The following ENTHD1 variants were observed in gnomAD, a reference collection of about 807,000 sequenced individuals.
The protein encoded by ENTHD1 is ENTH domain containing 1.
ENTHD1 carries 23 observed loss-of-function variants against 39.1 expected under a neutral mutation model. The observed-to-expected ratio is 0.59, with a 90% CI of 0.42 to 0.83. The LOEUF is 0.83. ENTHD1 is among the 40% of genes least tolerant of loss of function. ENTHD1 has a pLI of 0.00. For synonymous variants in ENTHD1, 230 were observed against 258.2 expected (o/e 0.89, Z 1.05); for missense variants, 624 against 705.4 (o/e 0.88, Z 1.31).
chr22:39,760,638 T>G (rs917450892), intron 6 of ENTHD1, among the ~76,000 whole-genome samples: 3 of 152,050 alleles, frequency 2.0e-5, no homozygotes, highest in Non-Finnish European at 4.4e-5. Flanking sequence ...TTGAAATGCT[T>G]GGATTTAGGT....
intron 5 of ENTHD1, among the ~76,000 whole-genome samples, chr22:39,799,488 G>C (rs544597399): frequency 6.6e-5 from 10 of 152,236 alleles, no homozygotes; most frequent in African/African-American, 2.2e-4. Context: ...TGAAAGGTGA[G>C]GAGGGCGGAA....
Position 39,765,453 on chromosome 22 carries a change from G to A in ENTHD1, c.989C>T (p.Thr330Ile), listed in dbSNP as rs2065268898. Reference protein sequence around the residue: ...QSAAEGLKTLTILPACWSSKE... With the variant: ...QSAAEGLKTLIILPACWSSKE... ...ACTTGACCAACATGCTGGTAAAATT[G>A]TCAATGTTTTAAGACCTTCTGCAGC... The change falls in exon 6 of 7, where the codon ACA becomes ATA. Residue 330 changes from threonine to isoleucine, a missense_variant. Transcript: ENST00000325157. The A allele has an allele frequency of 1.2e-6, 2 of 1,613,806 alleles. No homozygotes were observed. Among genetic ancestry groups the A allele is most frequent in the African/African-American group, 1.3e-5 (1 of 74,878 alleles).
intron 6 of ENTHD1, among the ~76,000 whole-genome samples, chr22:39,763,478 T>C (rs2065251635): frequency 6.6e-6 from 1 of 152,180 alleles, no homozygotes; most frequent in Admixed American, 6.5e-5. Flanking sequence ...CCAAGCTCAG[T>C]GAGACTGCGG....
chr22:39,750,528 A>G (rs1377134062), intron 6 of ENTHD1: 3 of 153,698 alleles, frequency 2.0e-5, no homozygotes, highest in African/African-American at 7.2e-5. Context: ...GTGCCCTTGA[A>G]GATGAGCTAA....
chr22:39,785,467 A>G (rs1463370931), intron 5 of ENTHD1, among the ~76,000 whole-genome samples: 1 of 152,126 alleles, frequency 6.6e-6, no homozygotes, highest in East Asian at 1.9e-4. Flanking sequence ...CAGCTCCTCT[A>G]GGGTGTTGGA....
At chr22:39,851,148 T>C (rs184817863) in intron 3 of ENTHD1, among the ~76,000 whole-genome samples, 2 of 152,338 alleles carry the variant, frequency 1.3e-5, no homozygotes, top group African/African-American at 4.8e-5. Context: ...TAAGATACTA[T>C]GTCACTGTCG....
chr22:39,773,572 T>C lies in ENTHD1; in HGVS notation c.833-7963A>G, dbSNP rs190733331. Among the ~76,000 whole-genome samples, 24 of 152,252 alleles carry C rather than the reference T, an allele frequency of 1.6e-4. 1 individual carries two copies. The highest frequency in any genetic ancestry group is 1.2e-3 in the East Asian group (6 of 5,188). On this transcript the variant is annotated intron_variant, in intron 5 of 6. Coordinates refer to ENST00000325157, the MANE Select transcript of ENTHD1 (RefSeq NM_152512.4). ...ATTTATACATTTTAAGCATGTACAG[T>C]TTATTGAATGGTAATTATACCTCAA...
At chr22:39,881,209 T>A (rs2066335200) in intron 2 of ENTHD1, among the ~76,000 whole-genome samples, 1 of 152,230 alleles carries the variant, frequency 6.6e-6, no homozygotes. Context: ...TATGTCCTTC[T>A]ATAGCCTAGA....
chr22:39,808,249 G>A (rs1433263178), intron 5 of ENTHD1, among the ~76,000 whole-genome samples: 1 of 152,078 alleles, frequency 6.6e-6, no homozygotes, highest in Non-Finnish European at 1.5e-5. Flanking sequence ...AGCGCCCCCT[G>A]CTGTCCTAAG....
chr22:39,875,526 C>G (rs189664695), intron 2 of ENTHD1: 2 of 1,607,620 alleles, frequency 1.2e-6, no homozygotes, highest in Admixed American at 3.4e-5. Context: ...GTTTGTTATT[C>G]CCACACAGAC....
At chr22:39,799,367 G>T (rs1305192467) in intron 5 of ENTHD1, among the ~76,000 whole-genome samples, 1 of 152,214 alleles carries the variant, frequency 6.6e-6, no homozygotes, top group South Asian at 2.1e-4. Context: ...CCCCTGGGCT[G>T]CAGGACACTG....
intron 6 of ENTHD1, among the ~76,000 whole-genome samples, chr22:39,744,757 A>G (rs1315498736): frequency 6.6e-6 from 1 of 152,200 alleles, no homozygotes; most frequent in Non-Finnish European, 1.5e-5. Context: ...CCCAAAAGTT[A>G]GTGAAATAAA....
At chr22:39,748,533 GC>G (rs2065124763) in intron 6 of ENTHD1, among the ~76,000 whole-genome samples, 1 of 151,138 alleles carries the variant, frequency 6.6e-6, no homozygotes, top group East Asian at 1.9e-4. Flanking sequence ...CCATTCTTCT[GC>G]CTCCACCTGA....
intron 5 of ENTHD1, among the ~76,000 whole-genome samples, chr22:39,812,698 C>T (rs938083415): frequency 3.9e-5 from 6 of 152,190 alleles, no homozygotes; most frequent in East Asian, 1.9e-4. Flanking sequence ...CCAGAATGCC[C>T]GGAGTGGTAG....
intron 2 of ENTHD1, among the ~76,000 whole-genome samples, chr22:39,873,837 A>G (rs559787302): frequency 6.6e-6 from 1 of 152,368 alleles, no homozygotes; most frequent in East Asian, 1.9e-4. Flanking sequence ...AACATAGAAC[A>G]TATTCCTTGG....
At chr22:39,832,225 C>T (rs765897867) in intron 4 of ENTHD1, among the ~76,000 whole-genome samples, 6 of 152,120 alleles carry the variant, frequency 3.9e-5, no homozygotes, top group Admixed American at 6.5e-5. Context: ...GTGGGAAGAT[C>T]GCTTGCACCC....
chr22:39,794,220 A>G (rs2065528421), intron 5 of ENTHD1, among the ~76,000 whole-genome samples: 1 of 152,068 alleles, frequency 6.6e-6, no homozygotes, highest in African/African-American at 2.4e-5. Flanking sequence ...ATTTGTAGCT[A>G]CGGTAAACGG....
intron 4 of ENTHD1, among the ~76,000 whole-genome samples, chr22:39,829,309 G>A (rs755838698): frequency 4.0e-5 from 6 of 151,068 alleles, no homozygotes; most frequent in Non-Finnish European, 8.8e-5. Flanking sequence ...AAGATGTAAT[G>A]TAGATCAATA....
At chr22:39,749,973 C>G (rs1354745879) in intron 6 of ENTHD1, among the ~76,000 whole-genome samples, 1 of 152,216 alleles carries the variant, frequency 6.6e-6, no homozygotes, top group Non-Finnish European at 1.5e-5. Context: ...ATCAGTGCCT[C>G]TTCAATGGAG....
Sources: allele counts gnomAD v4.1 joint callset (sites outside exome capture counted in the v4.1 genomes callset), GRCh38; gene constraint gnomAD v4.1.1; transcripts MANE v1.5; gene names NCBI Gene and HGNC (gene_info 2026-07-23, HGNC 2026-07-21).